Variants in PXDNL observed in about 807,000 individuals in gnomAD.
PXDNL encodes peroxidasin like.
In PXDNL, 145 loss-of-function variants were observed where a neutral mutation model predicts 150.8. The ratio of observed to expected loss-of-function variants is 0.96; its 90% CI spans 0.84 to 1.10. The LOEUF is 1.10. Among genes scored for constraint, PXDNL ranks in the 50% least tolerant of loss-of-function variants. The pLI, the probability that PXDNL is intolerant of heterozygous loss-of-function variation, is 0.00. For missense variants in PXDNL, 2,087 were observed against 1,873.9 expected (o/e 1.11, Z -2.10); for synonymous variants, 757 against 725.7 (o/e 1.04, Z -0.69).
rs1411948266 is a variant in PXDNL at position 51,608,191 on chromosome 8, C to T, written c.237-15493G>A. ...GATCATGAGGTCAGGAGATCAAGAC[C>T]ATCCTGGCTAACATGGTGAAACCCC... is the stretch of plus-strand genomic sequence containing the variant. On this transcript the variant is annotated intron_variant, in intron 2 of 22. Transcript: ENST00000356297. 4.1e-5 allele frequency among the ~76,000 whole-genome samples: 6 copies of T among 147,608 alleles called. No individual in the cohort carries two copies. In the East Asian group the frequency reaches 7.9e-4, roughly 19 times the overall value.
intron 17 of PXDNL, among the ~76,000 whole-genome samples, chr8:51,379,550 C>T (rs1269490601): frequency 6.6e-6 from 1 of 151,210 alleles, no homozygotes; most frequent in Non-Finnish European, 1.5e-5. Flanking sequence ...TGTTAATTAT[C>T]TATATATTCT....
intron 19 of PXDNL, among the ~76,000 whole-genome samples, chr8:51,355,577 A>C: frequency 6.6e-6 from 1 of 152,168 alleles, no homozygotes; most frequent in East Asian, 1.9e-4. Context: ...CTTAGGTGTA[A>C]GTTTTTAATT....
At chr8:51,419,064 G>A (rs984829902) in intron 14 of PXDNL, among the ~76,000 whole-genome samples, 1 of 152,144 alleles carries the variant, frequency 6.6e-6, no homozygotes, top group African/African-American at 2.4e-5. Context: ...AAGGTCCTCG[G>A]GGAAAGACCA....
chr8:51,587,186 T>C (rs771929548), intron 3 of PXDNL, among the ~76,000 whole-genome samples: 1 of 152,162 alleles, frequency 6.6e-6, no homozygotes, highest in Non-Finnish European at 1.5e-5. Context: ...ATCATTAGAT[T>C]AAGTCAAATG....
intron 10 of PXDNL, among the ~76,000 whole-genome samples, chr8:51,452,819 A>G (rs1809834329): frequency 6.6e-6 from 1 of 152,114 alleles, no homozygotes; most frequent in Admixed American, 6.6e-5. Flanking sequence ...TTTAGAAAAA[A>G]CTGGACCTTT....
At chr8:51,486,510 A>G (rs1285030142) in intron 5 of PXDNL, among the ~76,000 whole-genome samples, 2 of 151,920 alleles carry the variant, frequency 1.3e-5, no homozygotes, top group African/African-American at 4.8e-5. Context: ...ATCTCCTAGA[A>G]TACTATCCCA....
chr8:51,799,321 C>T (rs181154828), intron 1 of PXDNL, among the ~76,000 whole-genome samples: 2 of 152,128 alleles, frequency 1.3e-5, no homozygotes, highest in Admixed American at 6.5e-5. Context: ...ATAGGTGCAG[C>T]GAGTCACTAT....
chr8:51,799,465 A>T (rs888405289), intron 1 of PXDNL, among the ~76,000 whole-genome samples: 8 of 152,262 alleles, frequency 5.3e-5, no homozygotes, highest in African/African-American at 2.4e-5. Flanking sequence ...AATTATTACT[A>T]TAACCAACAT....
intron 4 of PXDNL, among the ~76,000 whole-genome samples, chr8:51,505,761 G>T (rs905185044): frequency 3.2e-4 from 48 of 152,212 alleles, no homozygotes; most frequent in African/African-American, 1.1e-3. Context: ...ACATGAAACA[G>T]AGCTCAGAGG....
intron 21 of PXDNL, among the ~76,000 whole-genome samples, chr8:51,332,171 C>G (rs1563361274): frequency 1.3e-5 from 2 of 152,146 alleles, no homozygotes; most frequent in South Asian, 2.1e-4. Context: ...CAGAAACCAC[C>G]AGGACCAGCC....
intron 4 of PXDNL, among the ~76,000 whole-genome samples, chr8:51,549,220 A>C (rs946981621): frequency 6.6e-6 from 1 of 152,138 alleles, no homozygotes; most frequent in African/African-American, 2.4e-5. Context: ...AGATGGCAAC[A>C]CAATCATAAT....
intron 1 of PXDNL, among the ~76,000 whole-genome samples, chr8:51,664,154 T>C (rs1009191725): frequency 2.0e-5 from 3 of 152,130 alleles, no homozygotes; most frequent in East Asian, 1.9e-4. Context: ...AACAGCGTCA[T>C]TGGGTCACAT....
intron 1 of PXDNL, among the ~76,000 whole-genome samples, chr8:51,776,399 C>G (rs2037354263): frequency 6.6e-6 from 1 of 152,168 alleles, no homozygotes; most frequent in Non-Finnish European, 1.5e-5. Context: ...CATGTGATGT[C>G]TGCCCCGGAC....
chr8:51,625,397 A>G (rs1563487376), intron 2 of PXDNL, among the ~76,000 whole-genome samples: 1 of 152,214 alleles, frequency 6.6e-6, no homozygotes, highest in Non-Finnish European at 1.5e-5. Context: ...AATATTAGTA[A>G]ATAGAATAAT....
chr8:51,615,730 C>A (rs557289431), intron 2 of PXDNL, among the ~76,000 whole-genome samples: 3 of 152,282 alleles, frequency 2.0e-5, no homozygotes, highest in South Asian at 2.1e-4. Flanking sequence ...CCAATGATGA[C>A]AATTCACTGA....
chr8:51,368,759 G>C (rs1289366538), intron 19 of PXDNL, among the ~76,000 whole-genome samples: 1 of 152,096 alleles, frequency 6.6e-6, no homozygotes, highest in Non-Finnish European at 1.5e-5. Flanking sequence ...AATTTGGGAG[G>C]CTGAGGCAGG....
Position 51,396,256 on chromosome 8 carries a change from C to T in PXDNL, c.3557+11811G>A, listed in dbSNP as rs960234701. Among the ~76,000 whole-genome samples the T allele has an allele frequency of 1.1e-4, 16 of 152,312 alleles. No individual in the cohort carries two copies. In the East Asian group the frequency reaches 1.2e-3, roughly 11 times the overall value. ...AAACTGAGTTTTTTCTCTTTCCACA[C>T]GCCAACGCCAGATACCTGGTTGCAG... On this transcript the variant is annotated intron_variant, in intron 17 of 22. Coordinates refer to ENST00000356297, the MANE Select transcript of PXDNL (RefSeq NM_144651.5).
intron 1 of PXDNL, among the ~76,000 whole-genome samples, chr8:51,791,886 A>G (rs2037516682): frequency 2.0e-5 from 3 of 152,184 alleles, no homozygotes; most frequent in African/African-American, 7.2e-5. Context: ...TGCCCGGGTG[A>G]GTAAGATTTA....
rs147916769 is a variant in PXDNL at position 51,457,684 on chromosome 8, T to C, written c.813-17A>G. 5.3e-5 allele frequency: 85 copies of C among 1,591,030 alleles called. No homozygotes were observed. In the Middle Eastern group the frequency reaches 1.0e-3, roughly 19 times the overall value. On this transcript the variant is annotated splice_polypyrimidine_tract_variant and intron_variant, in intron 8 of 22. Coordinates refer to ENST00000356297, the MANE Select transcript of PXDNL (RefSeq NM_144651.5). ...AATGAGTGGCTGGAAATATAGGTTATACATGTATATTATTTAATCCCATTC... is the reference window on the plus strand; with the variant it reads ...AATGAGTGGCTGGAAATATAGGTTACACATGTATATTATTTAATCCCATTC...
Sources: allele counts gnomAD v4.1 joint callset (sites outside exome capture counted in the v4.1 genomes callset), GRCh38; gene constraint gnomAD v4.1.1; transcripts MANE v1.5; gene names NCBI Gene and HGNC (gene_info 2026-07-23, HGNC 2026-07-21).